The following AHCY variants were observed in gnomAD, a reference collection of about 807,000 sequenced individuals.
AHCY encodes the protein adenosylhomocysteinase.
AHCY carries 24 observed loss-of-function variants against 45.4 expected under a neutral mutation model. That is an observed-to-expected ratio of 0.53 (90% CI 0.38 to 0.74). The LOEUF is 0.74. AHCY is among the 30% of genes least tolerant of loss of function. The pLI is 0.00. For missense variants in AHCY, 449 were observed against 594.1 expected (o/e 0.76, Z 2.54); for synonymous variants, 245 against 235.1 (o/e 1.04, Z -0.39).
chr20:34,309,919 A>G (rs933859200), intron 1 of AHCY, among the ~76,000 whole-genome samples: 12 of 150,130 alleles, frequency 8.0e-5, no homozygotes, highest in African/African-American at 2.9e-4. Context: ...GAAGGAAAGA[A>G]GGAAGGAAGG....
At chr20:34,278,992 C>G (rs1344091280), downstream of AHCY, among the ~76,000 whole-genome samples, 1 of 151,120 alleles carries the variant, frequency 6.6e-6, no homozygotes, top group Non-Finnish European at 1.5e-5. Context: ...ATCTGTAATC[C>G]CAGCTACTTG....
At chr20:34,275,169 G>A in the AHCY span, among the ~76,000 whole-genome samples, 1 of 135,004 alleles carries the variant, frequency 7.4e-6, no homozygotes, top group Non-Finnish European at 1.5e-5. Context: ...GTCTCGCTCT[G>A]TCACCCAGGC....
upstream of AHCY, chr20:34,303,395 C>A: frequency 7.4e-7 from 1 of 1,348,432 alleles, no homozygotes. Flanking sequence ...ATCTTCCTCG[C>A]ACTTGCATAT....
the AHCY span, among the ~76,000 whole-genome samples, chr20:34,260,152 T>C: frequency 1.3e-5 from 2 of 152,114 alleles, 1 homozygote; most frequent in South Asian, 4.2e-4. Flanking sequence ...CTTCTGTTCC[T>C]TGTCTTTCTC....
At chr20:34,285,834 C>T (rs1274533475) in intron 8 of AHCY, among the ~76,000 whole-genome samples, 200 bp from the exon 9 acceptor site, 1 of 152,216 alleles carries the variant, frequency 6.6e-6, no homozygotes, top group African/African-American at 2.4e-5. Flanking sequence ...GGCACGGTGG[C>T]TCACGCCTGT....
chr20:34,262,956 G>A, the AHCY span: 1 of 1,579,234 alleles, frequency 6.3e-7, no homozygotes, highest in Non-Finnish European at 8.7e-7. Flanking sequence ...AAAGAAGGAG[G>A]ACCCCCAACC....
the AHCY span, among the ~76,000 whole-genome samples, chr20:34,270,594 C>T: frequency 2.6e-4 from 39 of 152,354 alleles, no homozygotes; most frequent in South Asian, 4.1e-3. Context: ...AACAAAGCCA[C>T]TTGGCTGCTG....
chr20:34,242,383 C>A, the AHCY span, among the ~76,000 whole-genome samples: 1 of 152,136 alleles, frequency 6.6e-6, no homozygotes, highest in Non-Finnish European at 1.5e-5. Context: ...CAGGCACACA[C>A]CACCACGCCT....
At chr20:34,303,641 G>T (rs561342291), upstream of AHCY, among the ~76,000 whole-genome samples, 1 of 152,344 alleles carries the variant, frequency 6.6e-6, no homozygotes, top group South Asian at 2.1e-4. Flanking sequence ...ACTTCCCTGT[G>T]CCTCAATTTC....
chr20:34,236,705 T>C, the AHCY span, among the ~76,000 whole-genome samples: 1 of 152,146 alleles, frequency 6.6e-6, no homozygotes, highest in East Asian at 1.9e-4. Context: ...TCATTATGCA[T>C]TATATAATGT....
Sources: allele counts gnomAD v4.1 joint callset (sites outside exome capture counted in the v4.1 genomes callset), GRCh38; gene constraint gnomAD v4.1.1; transcripts MANE v1.5; gene names NCBI Gene and HGNC (gene_info 2026-07-23, HGNC 2026-07-21).